The following SAMD4A variants were observed in gnomAD, a reference collection of about 807,000 sequenced individuals.
SAMD4A encodes the protein protein Smaug homolog 1.
A neutral mutation model predicts 81.3 loss-of-function variants in SAMD4A; 33 were observed. The observed-to-expected ratio is 0.41, with a 90% CI of 0.31 to 0.54. The LOEUF is 0.54. Ranked by LOEUF, SAMD4A falls within the 20% of genes least tolerant of loss-of-function variation. SAMD4A has a pLI of 0.37. For missense variants in SAMD4A, 854 were observed against 951.1 expected (o/e 0.90, Z 1.34); for synonymous variants, 389 against 382.1 (o/e 1.02, Z -0.21).
At chr14:54,696,287 G>C (rs1038217958) in intron 2 of SAMD4A, among the ~76,000 whole-genome samples, 1 of 152,216 alleles carries the variant, frequency 6.6e-6, no homozygotes, top group Non-Finnish European at 1.5e-5. Flanking sequence ...TAAATACATG[G>C]TGTGTGTGGT....
rs189376709 is a variant in SAMD4A at position 54,765,183 on chromosome 14, C to T, written c.1596+643C>T. The stretch of plus-strand genomic sequence containing the variant: ...AGGGACATGTAGGGAGAGGGAGTTG[C>T]ACCTCAGACCTAAAACTCCAGTGGC... On this transcript the variant is annotated intron_variant, in intron 8 of 12. Coordinates refer to ENST00000554335, the MANE Select transcript of SAMD4A (RefSeq NM_015589.6). Among the ~76,000 whole-genome samples the T allele has an allele frequency of 4.9e-3, 746 of 152,204 alleles. 21 individuals are homozygous for T. The highest frequency in any genetic ancestry group is 0.044 in the Admixed American group (669 of 15,288).
intron 2 of SAMD4A, among the ~76,000 whole-genome samples, chr14:54,592,922 A>G (rs1271145981): frequency 1.3e-5 from 2 of 152,202 alleles, no homozygotes; most frequent in Admixed American, 6.5e-5. Context: ...CAAGTACTTT[A>G]TACAGTTTGT....
At chr14:54,745,631 T>C (rs776927568) in intron 4 of SAMD4A, among the ~76,000 whole-genome samples, 1 of 152,232 alleles carries the variant, frequency 6.6e-6, no homozygotes, top group Non-Finnish European at 1.5e-5. Context: ...GCCCCCATAA[T>C]AGGCATGCAA....
chr14:54,752,658 G>A (rs896966212), intron 6 of SAMD4A, among the ~76,000 whole-genome samples: 10 of 152,162 alleles, frequency 6.6e-5, no homozygotes, highest in Non-Finnish European at 1.5e-4. Context: ...CGGGCAGGAC[G>A]AGAGACTGAG....
chr14:54,622,531 T>C (rs2034642271), intron 2 of SAMD4A, among the ~76,000 whole-genome samples: 1 of 152,228 alleles, frequency 6.6e-6, no homozygotes, highest in African/African-American at 2.4e-5. Flanking sequence ...TGAAGAACTT[T>C]GAAAAAATAG....
At position 54,789,044 on chromosome 14, in the gene SAMD4A, GC is replaced by G; in HGVS notation, c.*101del. ...TGCACAGAATCCTCCAAGATACTTT[GC>G]AGCCTTTTTTCCCCCTGGTCCCTCT... On this transcript the variant is annotated 3_prime_UTR_variant, in exon 13 of 13. Coordinates refer to ENST00000554335, the MANE Select transcript of SAMD4A (RefSeq NM_015589.6). 7.2e-7 allele frequency: 1 copy of G among 1,396,376 alleles called. No homozygotes were observed. Among genetic ancestry groups the G allele is most frequent in the Non-Finnish European group, 1.0e-6 (1 of 984,300 alleles). 86.5% of individuals were successfully genotyped at this position (1,396,376 alleles called of 1,614,324 possible).
At chr14:54,576,353 G>A (rs2033296868) in intron 2 of SAMD4A, among the ~76,000 whole-genome samples, 2 of 152,094 alleles carry the variant, frequency 1.3e-5, no homozygotes, top group African/African-American at 2.4e-5. Flanking sequence ...TTTGAAGAGT[G>A]GTAAATGAAT....
In SAMD4A at chr14:54,669,935, GC is replaced by G. The variant is rs573367331; in HGVS notation, c.197-32120del. ...GCTGCGTTTTGAGGGATTCCCTTCT[GC>G]CCCCCCAGCCCCCTGGGGTGAAAAG... On this transcript the variant is annotated intron_variant, in intron 2 of 12. Coordinates refer to ENST00000554335, the MANE Select transcript of SAMD4A (RefSeq NM_015589.6). Among the ~76,000 whole-genome samples, 27 of 151,882 alleles carry G rather than the reference GC, an allele frequency of 1.8e-4. 1 individual carries two copies. In the South Asian group the frequency reaches 4.1e-3, roughly 23 times the overall value.
Position 54,702,558 on chromosome 14 carries a change from G to T in SAMD4A, c.693G>T (p.Thr231=). The T allele has an allele frequency of 2.5e-6, 4 of 1,614,052 alleles. No homozygotes were observed. The highest frequency in any genetic ancestry group is 1.1e-5 in the South Asian group (1 of 91,072). The change falls in exon 3 of 13, where the codon ACG becomes ACT. Residue 231 remains threonine (T), a synonymous_variant. Transcript: ENST00000554335. ...SSSSVPTTIN[T]IGTSTSTILS... is the part of the protein sequence containing the mutation. ...CATCTGTCCCCACCACAATCAATAC[G>T]ATTGGAACCAGCACAAGTACAAGTA... is the stretch of plus-strand genomic sequence containing the variant.
intron 2 of SAMD4A, among the ~76,000 whole-genome samples, chr14:54,677,617 A>G (rs1031896008): frequency 2.6e-5 from 4 of 152,214 alleles, no homozygotes; most frequent in Admixed American, 6.5e-5. Flanking sequence ...TAATGAAACA[A>G]AGCAAAAGTC....
At chr14:54,726,318 C>A (rs758247817) in intron 3 of SAMD4A, among the ~76,000 whole-genome samples, 7 of 152,004 alleles carry the variant, frequency 4.6e-5, no homozygotes, top group Non-Finnish European at 1.0e-4. Context: ...GGAATTCCTG[C>A]CCAGGTATCA....
At chr14:54,764,363 C>CA in intron 7 of SAMD4A, 92 bp from the exon 8 acceptor site, 1 of 837,920 alleles carries the variant, frequency 1.2e-6, no homozygotes, top group Non-Finnish European at 2.0e-6. Flanking sequence ...ACATACCTCT[C>CA]AGAGTGTTGG....
chr14:54,596,098 T>C (rs949717675), intron 2 of SAMD4A, among the ~76,000 whole-genome samples: 2 of 152,092 alleles, frequency 1.3e-5, no homozygotes, highest in Non-Finnish European at 2.9e-5. Flanking sequence ...GATAATGGTA[T>C]GTGGCGTGGG....
chr14:54,743,950 A>C lies in SAMD4A; in HGVS notation c.980-4865A>C, dbSNP rs541827359. Among the ~76,000 whole-genome samples the C allele has an allele frequency of 8.7e-4, 133 of 152,360 alleles. 1 individual carries two copies. The South Asian group carries it at 0.012, about 13-fold the overall frequency. ...TTCATTTTTGAAAGGAACATCTTCC[A>C]TCCCACTTCAGTAGTGAAGAGTGGG... On this transcript the variant is annotated intron_variant, in intron 4 of 12. Coordinates refer to ENST00000554335, the MANE Select transcript of SAMD4A (RefSeq NM_015589.6).
At chr14:54,763,696 T>A (rs1385075257) in intron 7 of SAMD4A, among the ~76,000 whole-genome samples, 2 of 152,198 alleles carry the variant, frequency 1.3e-5, no homozygotes, top group East Asian at 3.9e-4. Context: ...TGACTCCTTT[T>A]GTCCACCCAT....
chr14:54,717,278 C>T (rs934567215), intron 3 of SAMD4A, among the ~76,000 whole-genome samples: 1 of 151,422 alleles, frequency 6.6e-6, no homozygotes, highest in African/African-American at 2.4e-5. Flanking sequence ...CCTATCTCTA[C>T]AAAAAAATAA....
intron 3 of SAMD4A, among the ~76,000 whole-genome samples, chr14:54,721,230 T>C (rs553161315): frequency 1.3e-4 from 20 of 152,358 alleles, no homozygotes; most frequent in African/African-American, 4.6e-4. Flanking sequence ...AAACTCTGGC[T>C]GGCATATTGT....
At chr14:54,675,870 G>A (rs1470071013) in intron 2 of SAMD4A, among the ~76,000 whole-genome samples, 1 of 152,216 alleles carries the variant, frequency 6.6e-6, no homozygotes, top group Non-Finnish European at 1.5e-5. Context: ...TCTCACGGTA[G>A]AGAGTCCTTG....
chr14:54,576,405 C>G (rs1411394374), intron 2 of SAMD4A, among the ~76,000 whole-genome samples: 1 of 152,066 alleles, frequency 6.6e-6, no homozygotes, highest in African/African-American at 2.4e-5. Context: ...CTCCATGTGC[C>G]TCAAGATAAA....
Sources: allele counts gnomAD v4.1 joint callset (sites outside exome capture counted in the v4.1 genomes callset), GRCh38; gene constraint gnomAD v4.1.1; transcripts MANE v1.5; gene names NCBI Gene and HGNC (gene_info 2026-07-23, HGNC 2026-07-21).